The following MCTP1 variants were observed in gnomAD, a reference collection of about 807,000 sequenced individuals.
MCTP1 encodes multiple C2 and transmembrane domain containing 1, also known as multiple C2 and transmembrane domain-containing protein 1.
A neutral mutation model predicts 120.6 loss-of-function variants in MCTP1; 69 were observed. The ratio of observed to expected loss-of-function variants is 0.57; its 90% CI spans 0.47 to 0.70. The LOEUF is 0.70. MCTP1 is among the 30% of genes least tolerant of loss of function. MCTP1 has a pLI of 0.00. For missense variants in MCTP1, 1,203 were observed against 1,248.8 expected (o/e 0.96, Z 0.55); for synonymous variants, 529 against 493.1 (o/e 1.07, Z -0.96).
chr5:95,207,713 G>A (rs906922735), intron 1 of MCTP1, among the ~76,000 whole-genome samples: 2 of 152,068 alleles, frequency 1.3e-5, no homozygotes, highest in Non-Finnish European at 2.9e-5. Context: ...AGAGTTCCTA[G>A]CACATAGTAG....
At chr5:95,161,308 C>T (rs914434428) in intron 1 of MCTP1, among the ~76,000 whole-genome samples, 9 of 152,020 alleles carry the variant, frequency 5.9e-5, no homozygotes, top group African/African-American at 2.2e-4. Flanking sequence ...GGCTGAACCT[C>T]GAGGACATTA....
chr5:95,267,085 G>C (rs1321222973), intron 1 of MCTP1, among the ~76,000 whole-genome samples: 1 of 152,098 alleles, frequency 6.6e-6, no homozygotes, highest in Non-Finnish European at 1.5e-5. Flanking sequence ...ATAAAATTTA[G>C]ATTTTATGTC....
intron 5 of MCTP1, among the ~76,000 whole-genome samples, chr5:94,932,213 T>TAAAAAAAAAAAAAA (rs368203326): frequency 2.1e-5 from 2 of 95,846 alleles, no homozygotes; most frequent in Non-Finnish European, 4.0e-5. Flanking sequence ...TATTCCTTTG[T>TAAAAAAAAAAAAAA]AAAAAAAAAA....
intron 10 of MCTP1, among the ~76,000 whole-genome samples, chr5:94,903,750 C>T (rs533564960): frequency 1.3e-5 from 2 of 152,120 alleles, no homozygotes; most frequent in African/African-American, 2.4e-5. Context: ...CCCAAATCAA[C>T]GCCACTTTAA....
At chr5:94,816,108 T>C (rs1199888274) in intron 17 of MCTP1, among the ~76,000 whole-genome samples, 1 of 152,114 alleles carries the variant, frequency 6.6e-6, no homozygotes, top group Non-Finnish European at 1.5e-5. Flanking sequence ...ATTGAGAAAT[T>C]TTGTGGATAA....
chr5:95,189,534 A>G (rs1749604635), intron 1 of MCTP1, among the ~76,000 whole-genome samples: 1 of 152,138 alleles, frequency 6.6e-6, no homozygotes, highest in Admixed American at 6.6e-5. Context: ...GAGGCAAGGA[A>G]ATGTCTGGGG....
chr5:94,899,149 G>T (rs534762142), intron 10 of MCTP1, among the ~76,000 whole-genome samples: 1 of 152,322 alleles, frequency 6.6e-6, no homozygotes, highest in East Asian at 1.9e-4. Context: ...GTGAGAAAAA[G>T]GGGTATAGAC....
intron 1 of MCTP1, among the ~76,000 whole-genome samples, chr5:95,242,640 A>G (rs1756297479): frequency 1.3e-5 from 2 of 152,176 alleles, no homozygotes; most frequent in East Asian, 3.8e-4. Context: ...AAACTTCCTA[A>G]TAAAAAGGAC....
intron 1 of MCTP1, among the ~76,000 whole-genome samples, chr5:95,090,209 AC>A (rs1755736732): frequency 6.6e-6 from 1 of 152,248 alleles, no homozygotes; most frequent in Admixed American, 6.5e-5. Context: ...ATTACCATCA[AC>A]ATTGTATGTT....
At chr5:95,253,993 A>C (rs1304644373) in intron 1 of MCTP1, among the ~76,000 whole-genome samples, 1 of 152,162 alleles carries the variant, frequency 6.6e-6, no homozygotes, top group East Asian at 1.9e-4. Context: ...CAAGTCAAGC[A>C]ACTTTTATCA....
intron 1 of MCTP1, among the ~76,000 whole-genome samples, chr5:95,162,571 T>C (rs745674593): frequency 1.3e-4 from 20 of 152,272 alleles, no homozygotes; most frequent in Middle Eastern, 3.4e-3. Flanking sequence ...CTAAAAAGGA[T>C]TATTCCAAAA....
At chr5:95,181,540 C>T (rs1030896408) in intron 1 of MCTP1, among the ~76,000 whole-genome samples, 1 of 152,136 alleles carries the variant, frequency 6.6e-6, no homozygotes, top group South Asian at 2.1e-4. Flanking sequence ...CATTTTCCTT[C>T]ATAAAAATTA....
chr5:94,845,290 C>G (rs188365804), intron 17 of MCTP1, among the ~76,000 whole-genome samples: 1 of 152,142 alleles, frequency 6.6e-6, no homozygotes, highest in African/African-American at 2.4e-5. Flanking sequence ...TCACATCTTA[C>G]GTGGCAGCAG....
At chr5:94,829,480 C>T (rs1164114804) in intron 17 of MCTP1, among the ~76,000 whole-genome samples, 1 of 152,196 alleles carries the variant, frequency 6.6e-6, no homozygotes, top group African/African-American at 2.4e-5. Flanking sequence ...TTTGCACCAA[C>T]CTAATAAGAT....
intron 1 of MCTP1, among the ~76,000 whole-genome samples, chr5:95,201,752 G>T (rs904628752): frequency 6.6e-6 from 1 of 151,866 alleles, no homozygotes; most frequent in Non-Finnish European, 1.5e-5. Context: ...GGATCCATCC[G>T]CCTCGGCCTC....
rs146991642 is a variant in MCTP1, at chr5:95,128,870, G to A, written c.721-111386C>T. Reference sequence around the variant, plus strand: ...TCAACAAAGCTGTTTACAAAAAAGTGTGGACGAGAGCCCTTTCAACAATAA... The same window carrying A: ...TCAACAAAGCTGTTTACAAAAAAGTATGGACGAGAGCCCTTTCAACAATAA... On this transcript the variant is annotated intron_variant, in intron 1 of 22. Coordinates refer to ENST00000515393, the MANE Select transcript of MCTP1 (RefSeq NM_024717.7). Among the ~76,000 whole-genome samples the A allele has an allele frequency of 4.5e-3, 691 of 152,298 alleles. 5 individuals carry two copies. The highest frequency in any genetic ancestry group is 0.015 in the African/African-American group (605 of 41,568).
chr5:95,204,927 C>T (rs1483124580), intron 1 of MCTP1, among the ~76,000 whole-genome samples: 1 of 151,998 alleles, frequency 6.6e-6, no homozygotes, highest in South Asian at 2.1e-4. Flanking sequence ...TGGCAATGCT[C>T]CCCAGATTTA....
intron 1 of MCTP1, among the ~76,000 whole-genome samples, chr5:95,187,910 G>A (rs569434162): frequency 6.6e-6 from 1 of 152,226 alleles, no homozygotes; most frequent in East Asian, 1.9e-4. Flanking sequence ...AATGCTTGAG[G>A]GGATAGATAT....
chr5:95,100,755 A>G (rs548174160), intron 1 of MCTP1, among the ~76,000 whole-genome samples: 1 of 152,214 alleles, frequency 6.6e-6, no homozygotes, highest in East Asian at 1.9e-4. Flanking sequence ...TATCCCAGCG[A>G]TGATATCATC....
Sources: gnomAD v4.1 joint callset for allele counts (sites outside exome capture counted in the v4.1 genomes callset) on GRCh38, gnomAD v4.1.1 for gene constraint, MANE v1.5 for transcripts, NCBI Gene and HGNC (gene_info 2026-07-23, HGNC 2026-07-21) for gene names.